The following MED4 variants were observed in gnomAD, a reference collection of about 807,000 sequenced individuals.
MED4 encodes the protein mediator of RNA polymerase II transcription subunit 4.
Under a neutral mutation model 35.0 loss-of-function variants are expected in MED4, and 21 were observed. The observed-to-expected ratio is 0.60, with a 90% CI of 0.43 to 0.86. The LOEUF (loss-of-function observed/expected upper bound fraction) is 0.86, where lower values mean the gene tolerates loss of function less well. Ranked by LOEUF, MED4 falls within the 40% of genes least tolerant of loss-of-function variation. The probability of loss-of-function intolerance (pLI) is 0.00; values close to 1 mark genes in which losing one functional copy is unlikely to be tolerated. For synonymous variants in MED4, 138 were observed against 114.0 expected (o/e 1.21, Z -1.34); for missense variants, 300 against 319.4 (o/e 0.94, Z 0.46).
intron 1 of MED4, among the ~76,000 whole-genome samples, chr13:48,094,666 T>A (rs1202458941): frequency 6.6e-6 from 1 of 152,112 alleles, no homozygotes; most frequent in Non-Finnish European, 1.5e-5. Flanking sequence ...GTCTCCCCAA[T>A]GCTGAGCCCC....
chr13:48,092,579 A>C (rs1593549772), intron 1 of MED4, among the ~76,000 whole-genome samples: 1 of 152,322 alleles, frequency 6.6e-6, no homozygotes, highest in African/African-American at 2.4e-5. Flanking sequence ...CCAGGCAAAA[A>C]ATGACACTGG....
chr13:48,095,086 AG>A lies in MED4; in HGVS notation c.-9del, dbSNP rs1356711830. The stretch of plus-strand genomic sequence containing the variant: ...ACTCGAAGACGCAGCCATTTTCCCC[AG>A]AGTCCCGCCACCGGCGCACGCGCAG... On this transcript the variant is annotated 5_prime_UTR_variant, in exon 1 of 7. Coordinates refer to ENST00000258648, the MANE Select transcript of MED4 (RefSeq NM_014166.4). The A allele has an allele frequency of 1.2e-6, 2 of 1,601,946 alleles. No homozygotes were observed. Among genetic ancestry groups the A allele is most frequent in the African/African-American group, 2.7e-5 (2 of 74,930 alleles).
At chr13:48,086,099 G>A (rs1021106346) in intron 3 of MED4, among the ~76,000 whole-genome samples, 183 bp downstream of exon 3, 2 of 152,252 alleles carry the variant, frequency 1.3e-5, no homozygotes, top group South Asian at 2.1e-4. Context: ...TTTGAAAACA[G>A]TAAGTAAAAA....
intron 1 of MED4, among the ~76,000 whole-genome samples, chr13:48,094,587 C>T (rs1278195276): frequency 6.6e-6 from 1 of 152,096 alleles, no homozygotes; most frequent in Non-Finnish European, 1.5e-5. Flanking sequence ...CTAATAAAAA[C>T]AGGCCCCAAG....
chr13:48,079,945 A>C lies in MED4; in HGVS notation c.539T>G (p.Leu180Ter). ...GDPRRPYPTD[L>*]EMRSGLLGQM... is the part of the protein sequence containing the mutation. ...ACCCAGTAACCCACTTCTCATCTCT[A>C]AATCAGTTGGGTAGGGTCTCCGGGG... Residue 180 changes from leucine to a stop codon, truncating the protein, a stop_gained, in exon 6 of 7, where the codon TTA becomes TGA. Coordinates refer to ENST00000258648, the MANE Select transcript of MED4 (RefSeq NM_014166.4). LOFTEE classifies it high-confidence loss of function. The C allele has an allele frequency of 6.2e-7, 1 of 1,613,830 alleles. No individual in the cohort carries two copies. Among genetic ancestry groups the C allele is most frequent in the Non-Finnish European group, 8.5e-7 (1 of 1,179,812 alleles).
At chr13:48,078,408 T>C (rs1950777804) in intron 6 of MED4, among the ~76,000 whole-genome samples, 2 of 152,230 alleles carry the variant, frequency 1.3e-5, no homozygotes, top group South Asian at 4.1e-4. Flanking sequence ...CTGTGATGCC[T>C]GGTTGGTGTG....
chr13:48,081,592 C>G (rs1950808492), intron 5 of MED4, 53 bp downstream of exon 5: 2 of 1,268,002 alleles, frequency 1.6e-6, no homozygotes, highest in Non-Finnish European at 2.2e-6. Flanking sequence ...ACATAGTCAC[C>G]TAAGAATCTT....
chr13:48,078,630 A>G (rs181025556), intron 6 of MED4, among the ~76,000 whole-genome samples: 1 of 152,342 alleles, frequency 6.6e-6, no homozygotes, highest in East Asian at 1.9e-4. Flanking sequence ...ACCCTCTCCA[A>G]TGACAGCACC....
intron 2 of MED4, 116 bp downstream of exon 2, chr13:48,090,236 C>A: frequency 1.3e-6 from 1 of 773,148 alleles, no homozygotes; most frequent in Non-Finnish European, 2.1e-6. Flanking sequence ...TAAAAGGATC[C>A]AACATTCCTG....
At chr13:48,078,803 TC>T (rs1950780911) in intron 6 of MED4, among the ~76,000 whole-genome samples, 1 of 152,108 alleles carries the variant, frequency 6.6e-6, no homozygotes, top group African/African-American at 2.4e-5. Context: ...ACAGTTGAGT[TC>T]CCCTGGTTGT....
At position 48,090,415 on chromosome 13, in the gene MED4, T is replaced by C. The variant is rs774320327; in HGVS notation, c.129A>G (p.Glu43=). ...TTGAAATTGCCAGCATTTCTATAAGTTCCCTAAAAAAAAAAAACCAACAAC... is the reference window on the plus strand; with the variant it reads ...TTGAAATTGCCAGCATTTCTATAAGCTCCCTAAAAAAAAAAAACCAACAAC... ...ALEDLEVLSR[E]LIEMLAISRN... is the part of the protein sequence containing the mutation. The change falls in exon 2 of 7, where the codon GAA becomes GAG. Residue 43 remains glutamate (E), a synonymous_variant. Transcript: ENST00000258648. 11 of 1,593,294 alleles carry C rather than the reference T, an allele frequency of 6.9e-6. No homozygotes were observed. The highest frequency in any genetic ancestry group is 9.4e-6 in the Non-Finnish European group (11 of 1,172,922).
chr13:48,081,256 A>G (rs187924759), intron 5 of MED4, among the ~76,000 whole-genome samples: 4 of 152,328 alleles, frequency 2.6e-5, no homozygotes, highest in African/African-American at 9.6e-5. Flanking sequence ...TTTAGCATCT[A>G]AGAGAACTGG....
intron 3 of MED4, 111 bp downstream of exon 3, chr13:48,086,171 T>C (rs891655603): frequency 8.1e-6 from 8 of 985,940 alleles, no homozygotes; most frequent in South Asian, 1.6e-5. Flanking sequence ...ATATCACCTT[T>C]AGACTTGGAA....
At chr13:48,079,432 T>C (rs1270417113) in intron 6 of MED4, among the ~76,000 whole-genome samples, 3 of 152,110 alleles carry the variant, frequency 2.0e-5, no homozygotes, top group Non-Finnish European at 2.9e-5. Flanking sequence ...GCAAAGAATC[T>C]AGCTATTACA....
chr13:48,093,549 T>C, intron 1 of MED4: 1 of 467,804 alleles, frequency 2.1e-6, no homozygotes, highest in Non-Finnish European at 4.4e-6. Flanking sequence ...CATAACTACC[T>C]CTGAGTGAAC....
Position 48,095,074 on chromosome 13 carries a change from G to C in MED4, c.5C>G (p.Ala2Gly). Residue 2 changes from alanine (A) to glycine (G), a missense_variant, in exon 1 of 7, where the codon GCT becomes GGT. Ala to Gly is a moderately conservative substitution (Grantham distance 60). Coordinates refer to ENST00000258648, the MANE Select transcript of MED4 (RefSeq NM_014166.4). ...CTCCTTCTCACCACTCGAAGACGCA[G>C]CCATTTTCCCCAGAGTCCCGCCACC... M[A>G]ASSSGEKEKE... The C allele has an allele frequency of 2.5e-6, 4 of 1,603,492 alleles. No homozygotes were observed. The highest frequency in any genetic ancestry group is 3.4e-6 in the Non-Finnish European group (4 of 1,179,862).
intron 2 of MED4, among the ~76,000 whole-genome samples, chr13:48,089,438 A>G (rs1333777929): frequency 6.6e-6 from 1 of 152,156 alleles, no homozygotes; most frequent in Non-Finnish European, 1.5e-5. Flanking sequence ...TTTTCTCTTA[A>G]ACATTTTTTT....
At position 48,083,447 on chromosome 13, in the gene MED4, A is replaced by T. The variant is rs201962549; in HGVS notation, c.364-19T>A. 73 of 1,607,094 alleles carry T rather than the reference A, an allele frequency of 4.5e-5. 1 individual carries two copies. The East Asian group carries it at 1.4e-3, about 30-fold the overall frequency. On this transcript the variant is annotated intron_variant, in intron 3 of 6. Coordinates refer to ENST00000258648, the MANE Select transcript of MED4 (RefSeq NM_014166.4). ...CTGTTGCCTAATTTAAACAACATTT[A>T]AAAAACGTGGTTTATTCTTCAACTA...
rs775345256 is a variant in MED4, at chr13:48,077,122, T to C, written c.*17A>G. 1.3e-6 allele frequency: 2 copies of C among 1,583,844 alleles called. No homozygotes were observed. The highest frequency in any genetic ancestry group is 1.7e-6 in the Non-Finnish European group (2 of 1,165,248). On this transcript the variant is annotated 3_prime_UTR_variant, in exon 7 of 7. Coordinates refer to ENST00000258648, the MANE Select transcript of MED4 (RefSeq NM_014166.4). ...ATTCTACAGTATTCAATTCTGTATA[T>C]TGTCTTTTAAGGTTTTTCAATCAGA...
Sources: gnomAD v4.1 joint callset for allele counts (sites outside exome capture counted in the v4.1 genomes callset) on GRCh38, gnomAD v4.1.1 for gene constraint, MANE v1.5 for transcripts, NCBI Gene and HGNC (gene_info 2026-07-23, HGNC 2026-07-21) for gene names.